The following CHN1 variants were observed in gnomAD, a reference collection of about 807,000 sequenced individuals.
CHN1 encodes chimerin 1, also known as N-chimaerin.
A neutral mutation model predicts 59.5 loss-of-function variants in CHN1; 37 were observed. The observed-to-expected ratio is 0.62, with a 90% CI of 0.48 to 0.82. CHN1 has a LOEUF of 0.82. Among genes scored for constraint, CHN1 ranks in the 40% least tolerant of loss-of-function variants. CHN1 has a pLI of 0.00. For synonymous variants in CHN1, 206 were observed against 200.4 expected (o/e 1.03, Z -0.24); for missense variants, 469 against 571.0 (o/e 0.82, Z 1.82).
intron 1 of CHN1, among the ~76,000 whole-genome samples, chr2:174,975,726 G>A (rs1241365043): frequency 6.6e-6 from 1 of 151,852 alleles, no homozygotes; most frequent in Non-Finnish European, 1.5e-5. Flanking sequence ...TTTGAAGCCT[G>A]GAATCAGTAT....
chr2:174,955,617 A>G (rs1690181502), intron 1 of CHN1, among the ~76,000 whole-genome samples: 2 of 152,114 alleles, frequency 1.3e-5, no homozygotes, highest in African/African-American at 4.8e-5. Flanking sequence ...ACCACCTAAA[A>G]ATCTATAGAA....
chr2:174,958,874 G>A (rs900686213), intron 1 of CHN1, among the ~76,000 whole-genome samples: 9 of 152,054 alleles, frequency 5.9e-5, no homozygotes, highest in African/African-American at 9.7e-5. Context: ...GCCTCAAGCC[G>A]CTGTTAATGA....
chr2:174,807,703 C>A (rs1433683057), intron 11 of CHN1, among the ~76,000 whole-genome samples: 1 of 152,092 alleles, frequency 6.6e-6, no homozygotes, highest in African/African-American at 2.4e-5. Context: ...CTGTTCTCTA[C>A]ATGGGAGCTT....
At chr2:174,955,725 T>C (rs954418474) in intron 1 of CHN1, among the ~76,000 whole-genome samples, 1 of 152,090 alleles carries the variant, frequency 6.6e-6, no homozygotes, top group African/African-American at 2.4e-5. Flanking sequence ...TAAAAAAGAA[T>C]GAAATTATGT....
chr2:174,861,365 A>G (rs1385607154), intron 6 of CHN1, among the ~76,000 whole-genome samples: 1 of 152,230 alleles, frequency 6.6e-6, no homozygotes, highest in East Asian at 1.9e-4. Flanking sequence ...CATTAGCATC[A>G]GTCTTATAGC....
rs1031510158 is a variant in CHN1, at chr2:174,863,813, T to C, written c.549+14027A>G. On this transcript the variant is annotated intron_variant, in intron 6 of 12. Coordinates refer to ENST00000409900, the MANE Select transcript of CHN1 (RefSeq NM_001822.7). ...AGATGTTTAGGCTCCATGTTGATTA[T>C]ACTGAATCAAAATTTCTGCAGATAT... Among the ~76,000 whole-genome samples, 8 of 152,180 alleles carry C rather than the reference T, an allele frequency of 5.3e-5. No individual in the cohort carries two copies. The South Asian group carries it at 8.3e-4, about 16-fold the overall frequency.
At chr2:174,917,836 G>T (rs1041260970) in intron 4 of CHN1, among the ~76,000 whole-genome samples, 2 of 151,990 alleles carry the variant, frequency 1.3e-5, no homozygotes, top group African/African-American at 4.8e-5. Flanking sequence ...CAATTTTGAG[G>T]AATGATGAGA....
chr2:174,847,393 TA>T (rs766265265), intron 6 of CHN1: 2 of 1,231,604 alleles, frequency 1.6e-6, no homozygotes, highest in Non-Finnish European at 2.0e-6. Flanking sequence ...TGAACAGAAA[TA>T]AAAAGAAAGA....
At chr2:174,904,975 C>T (rs932054926) in intron 5 of CHN1, among the ~76,000 whole-genome samples, 5 of 152,136 alleles carry the variant, frequency 3.3e-5, no homozygotes, top group Admixed American at 1.3e-4. Context: ...TTTACCTTAA[C>T]GTACCACACA....
intron 3 of CHN1, among the ~76,000 whole-genome samples, chr2:174,930,657 T>C (rs1042537074): frequency 2.0e-5 from 3 of 152,128 alleles, no homozygotes; most frequent in Non-Finnish European, 2.9e-5. Flanking sequence ...AGGTAGGAAT[T>C]AGAAACTGTG....
intron 6 of CHN1, among the ~76,000 whole-genome samples, chr2:174,863,309 A>G (rs1330471759): frequency 6.6e-6 from 1 of 152,224 alleles, no homozygotes; most frequent in East Asian, 1.9e-4. Flanking sequence ...AGAGTAAAAA[A>G]TGGCTATTAA....
chr2:174,959,978 G>A (rs1690347208), intron 1 of CHN1, among the ~76,000 whole-genome samples: 1 of 152,160 alleles, frequency 6.6e-6, no homozygotes, highest in South Asian at 2.1e-4. Context: ...GAGAAAAAAT[G>A]ATGATGGGAA....
intron 3 of CHN1, among the ~76,000 whole-genome samples, chr2:174,921,806 G>A (rs940893679): frequency 3.9e-5 from 6 of 152,146 alleles, no homozygotes; most frequent in South Asian, 4.2e-4. Context: ...TCACTATCAC[G>A]AGAACTCCAT....
At chr2:174,961,022 G>A (rs1690381064) in intron 1 of CHN1, among the ~76,000 whole-genome samples, 1 of 150,378 alleles carries the variant, frequency 6.6e-6, no homozygotes, top group Non-Finnish European at 1.5e-5. Flanking sequence ...CAGCTACACA[G>A]GAAACTGGGG....
At chr2:174,993,098 T>G (rs1234658678) in intron 1 of CHN1, among the ~76,000 whole-genome samples, 1 of 152,206 alleles carries the variant, frequency 6.6e-6, no homozygotes, top group East Asian at 1.9e-4. Flanking sequence ...CTCCAATCAC[T>G]TGCTAGCTAA....
intron 3 of CHN1, 119 bp downstream of exon 3, chr2:174,944,769 A>G: frequency 1.6e-6 from 1 of 631,714 alleles, no homozygotes; most frequent in Non-Finnish European, 2.8e-6. Context: ...TTATAATTTT[A>G]TCATATCGAT....
chr2:174,822,842 G>C (rs1362232152), intron 8 of CHN1, among the ~76,000 whole-genome samples: 4 of 152,214 alleles, frequency 2.6e-5, no homozygotes, highest in African/African-American at 7.2e-5. Flanking sequence ...CATTCACTCT[G>C]AGCTTCGACT....
At chr2:174,917,170 C>A (rs571998360) in intron 4 of CHN1, among the ~76,000 whole-genome samples, 1 of 152,264 alleles carries the variant, frequency 6.6e-6, no homozygotes, top group South Asian at 2.1e-4. Flanking sequence ...CGGTGGCTCA[C>A]GCCTATAATC....
At position 174,952,081 on chromosome 2, in the gene CHN1, G is replaced by A. The variant is rs545429925; in HGVS notation, c.58+83C>T. On this transcript the variant is annotated intron_variant, in intron 2 of 12. Coordinates refer to ENST00000409900, the MANE Select transcript of CHN1 (RefSeq NM_001822.7). The stretch of plus-strand genomic sequence containing the variant: ...ATTTTTCAACAATGGGTACAAAATG[G>A]AATGAGTATTTCTATCTAATAATCC... 8.4e-6 allele frequency: 7 copies of A among 834,288 alleles called. 1 individual carries two copies. In the South Asian group the frequency reaches 2.1e-4, roughly 25 times the overall value. 51.7% of individuals were successfully genotyped at this position (834,288 alleles called of 1,614,324 possible).
Sources: gnomAD v4.1 joint callset for allele counts (sites outside exome capture counted in the v4.1 genomes callset) on GRCh38, gnomAD v4.1.1 for gene constraint, MANE v1.5 for transcripts, NCBI Gene and HGNC (gene_info 2026-07-23, HGNC 2026-07-21) for gene names.